The following USP4 variants were observed in gnomAD, a reference collection of about 807,000 sequenced individuals.
USP4 encodes the protein ubiquitin carboxyl-terminal hydrolase 4.
In USP4, 72 loss-of-function variants were observed where a neutral mutation model predicts 118.2. The observed-to-expected ratio is 0.61, with a 90% CI of 0.50 to 0.74. The LOEUF is 0.74. Among genes scored for constraint, USP4 ranks in the 30% least tolerant of loss-of-function variants. The probability of loss-of-function intolerance (pLI) is 0.00; values close to 1 mark genes in which losing one functional copy is unlikely to be tolerated. For missense variants in USP4, 1,037 were observed against 1,185.7 expected, an observed-to-expected ratio of 0.87 and a Z score of 1.84; for synonymous variants, 415 against 440.4, an observed-to-expected ratio of 0.94 and a Z score of 0.72.
chr3:49,278,113 G>T lies in USP4; in HGVS notation c.*180C>A. On this transcript the variant is annotated 3_prime_UTR_variant, in exon 22 of 22. Coordinates refer to ENST00000265560, the MANE Select transcript of USP4 (RefSeq NM_003363.4). ...AAAAATAAAAATAATTCAGCCTCTT[G>T]ACATAGCTTCTTCTAGGTAAACGGT... The T allele has an allele frequency of 2.9e-6, 2 of 681,870 alleles. No homozygotes were observed. Among genetic ancestry groups the T allele is most frequent in the Non-Finnish European group, 2.3e-6 (1 of 441,684 alleles). The allele number at this position is 681,870 out of a possible 1,614,324, so 42.2% of individuals were successfully genotyped here.
At chr3:49,296,279 G>A (rs1418387385) in intron 13 of USP4, among the ~76,000 whole-genome samples, 3 of 151,426 alleles carry the variant, frequency 2.0e-5, no homozygotes, top group Non-Finnish European at 4.4e-5. Context: ...AGTGAGCCAC[G>A]ATCACACCAT....
chr3:49,300,283 A>G (rs2047251354), intron 11 of USP4, among the ~76,000 whole-genome samples, 184 bp downstream of exon 11: 1 of 152,140 alleles, frequency 6.6e-6, no homozygotes, highest in Admixed American at 6.6e-5. Context: ...GAAGCTGCAA[A>G]GACCTTCACA....
chr3:49,318,471 A>G, intron 6 of USP4: 1 of 985,446 alleles, frequency 1.0e-6, no homozygotes, highest in African/African-American at 1.7e-5. Flanking sequence ...AGAGAGAAAC[A>G]GATGGAAAGA....
intron 15 of USP4, among the ~76,000 whole-genome samples, chr3:49,286,901 G>A (rs865889368): frequency 6.6e-6 from 1 of 151,680 alleles, no homozygotes; most frequent in East Asian, 1.9e-4. Flanking sequence ...CCAGGCTAGA[G>A]TGCAATGGCA....
chr3:49,283,287 T>A (rs2047058716), intron 19 of USP4, among the ~76,000 whole-genome samples: 2 of 151,838 alleles, frequency 1.3e-5, no homozygotes, highest in Non-Finnish European at 2.9e-5. Flanking sequence ...GTGCTGGGAT[T>A]ACAAGCATGA....
rs2046986723 is a variant in USP4, at chr3:49,278,707, CCACTATCA to C, written c.2733+99_2733+106del. Reference sequence around the variant, plus strand: ...CAGCCAGCTCTGTCACACCTAGCTCCCACTATCACATCAGGATGATGAAATAACCAACT... The same window carrying C: ...CAGCCAGCTCTGTCACACCTAGCTCCCATCAGGATGATGAAATAACCAACT... On this transcript the variant is annotated intron_variant, in intron 21 of 21. Coordinates refer to ENST00000265560, the MANE Select transcript of USP4 (RefSeq NM_003363.4). 3.2e-6 allele frequency: 3 copies of C among 951,152 alleles called. No homozygotes were observed. The African/African-American group carries it at 5.0e-5, about 16-fold the overall frequency. The allele number at this position is 951,152 out of a possible 1,614,324, so 58.9% of individuals were successfully genotyped here. A position where few individuals can be genotyped will look rare whatever the true frequency, so the allele number is the denominator to read the frequency against.
intron 6 of USP4, chr3:49,317,131 GT>G: frequency 7.2e-7 from 1 of 1,393,992 alleles, no homozygotes; most frequent in Non-Finnish European, 1.0e-6. Context: ...TGTAGCCTTG[GT>G]CAGGTTCCCA....
chr3:49,324,746 A>AG lies in USP4; in HGVS notation c.650dup (p.Gln218SerfsTer3), dbSNP rs766591677. Reference sequence around the variant, plus strand: ...TGGGCCATGTGCCATCTTCATTTTGAGGCTCAATTACTAGCACCTGAGTGA... The same window carrying AG: ...TGGGCCATGTGCCATCTTCATTTTGAGGGCTCAATTACTAGCACCTGAGTGA... On this transcript the variant is annotated frameshift_variant, in exon 6 of 22. Coordinates refer to ENST00000265560, the MANE Select transcript of USP4 (RefSeq NM_003363.4). LOFTEE classifies it high-confidence loss of function. 68 of 1,614,212 alleles carry AG rather than the reference A, an allele frequency of 4.2e-5. No homozygotes were observed. The East Asian group carries it at 1.5e-3, about 36-fold the overall frequency.
chr3:49,278,421 G>T lies in USP4; in HGVS notation c.2764C>A (p.Arg922Ser), dbSNP rs749791178. ...TKAAYVLFYQ[R>S]RDDEFYKTPS... ...GTCTTATAAAATTCATCATCTCGAC[G>T]TTGGTAAAATAGCACATAAGCTGCT... The change falls in exon 22 of 22, where the codon CGT becomes AGT. Residue 922 changes from arginine to serine, a missense_variant. Physicochemically the swap from Arg to Ser is moderately radical, Grantham distance 110. Transcript: ENST00000265560. 8.1e-6 allele frequency: 13 copies of T among 1,614,116 alleles called. No homozygotes were observed. The highest frequency in any genetic ancestry group is 1.1e-5 in the Non-Finnish European group (13 of 1,180,020).
At position 49,280,483 on chromosome 3, in the gene USP4, C is replaced by A. The variant is rs528028215; in HGVS notation, c.2644+261G>T. Among the ~76,000 whole-genome samples the A allele has an allele frequency of 2.7e-4, 41 of 151,144 alleles. 1 individual carries two copies. In the South Asian group the frequency reaches 7.3e-3, roughly 27 times the overall value. ...GGCTGAGGCAGGAGAATGGCGTGAA[C>A]CTGGGAGGCAGAGCTTGCAGTGAGT... is the stretch of plus-strand genomic sequence containing the variant. On this transcript the variant is annotated intron_variant, in intron 20 of 21. Transcript: ENST00000265560.
intron 6 of USP4, among the ~76,000 whole-genome samples, chr3:49,319,385 A>G (rs1299734633): frequency 1.3e-5 from 2 of 151,560 alleles, no homozygotes; most frequent in Admixed American, 1.3e-4. Flanking sequence ...AGTAGCTGGG[A>G]CTACAGGAGC....
intron 15 of USP4, 113 bp from the exon 16 acceptor site, chr3:49,286,438 G>T: frequency 1.9e-6 from 2 of 1,071,350 alleles, no homozygotes; most frequent in Non-Finnish European, 1.3e-6. Context: ...CTGTGTATAT[G>T]AAGTTAAATC....
intron 1 of USP4, among the ~76,000 whole-genome samples, chr3:49,337,388 T>G (rs1278244941): frequency 2.6e-5 from 4 of 152,194 alleles, no homozygotes; most frequent in African/African-American, 9.6e-5. Flanking sequence ...TTGTGCTTCA[T>G]ATTCAACTTA....
rs1559470049 is a variant in USP4 at position 49,300,708 on chromosome 3, A to G, written c.1288-17T>C. On this transcript the variant is annotated splice_polypyrimidine_tract_variant and intron_variant, in intron 10 of 21. Transcript: ENST00000265560. Reference sequence around the variant, plus strand: ...TGCCACCACCTGCGTCAAAGGGATAAACAGGACATTCTCAACACCTCTCAG... The same window carrying G: ...TGCCACCACCTGCGTCAAAGGGATAGACAGGACATTCTCAACACCTCTCAG... The G allele has an allele frequency of 6.2e-7, 1 of 1,611,964 alleles. No homozygotes were observed. Among genetic ancestry groups the G allele is most frequent in the Admixed American group, 1.7e-5 (1 of 59,934 alleles).
chr3:49,295,706 G>GCA (rs1302374941), intron 13 of USP4, among the ~76,000 whole-genome samples: 3 of 139,602 alleles, frequency 2.1e-5, no homozygotes, highest in African/African-American at 3.2e-5. Context: ...ACGTGTGCGC[G>GCA]CGCGCGCGCA....
intron 6 of USP4, chr3:49,316,844 G>T (rs573115331): frequency 1.8e-6 from 1 of 566,568 alleles, no homozygotes; most frequent in Non-Finnish European, 3.2e-6. Flanking sequence ...GCAGAGACAG[G>T]CCCCTTGCAG....
intron 1 of USP4, among the ~76,000 whole-genome samples, chr3:49,336,620 G>T (rs1441215216): frequency 6.6e-6 from 1 of 151,752 alleles, no homozygotes; most frequent in Non-Finnish European, 1.5e-5. Context: ...CGCCTCCCGG[G>T]TTCAAGTGAT....
intron 9 of USP4, among the ~76,000 whole-genome samples, chr3:49,304,415 T>G (rs1216192410): frequency 6.6e-6 from 1 of 151,984 alleles, no homozygotes; most frequent in South Asian, 2.1e-4. Context: ...AGTGTATCCA[T>G]GTCTTCTCCT....
At chr3:49,327,364 C>T (rs1179594633) in intron 3 of USP4, among the ~76,000 whole-genome samples, 1 of 152,022 alleles carries the variant, frequency 6.6e-6, no homozygotes, top group Non-Finnish European at 1.5e-5. Context: ...GGCGAAACCC[C>T]GTCTCTACTA....
Sources: allele counts gnomAD v4.1 joint callset (sites outside exome capture counted in the v4.1 genomes callset), GRCh38; gene constraint gnomAD v4.1.1; transcripts MANE v1.5; gene names NCBI Gene and HGNC (gene_info 2026-07-23, HGNC 2026-07-21).